The following PTGR1 variants were observed in gnomAD, a reference collection of about 807,000 sequenced individuals.
PTGR1 encodes the protein prostaglandin reductase 1.
In PTGR1, 23 loss-of-function variants were observed where a neutral mutation model predicts 37.7. That is an observed-to-expected ratio of 0.61 (90% CI 0.44 to 0.86). The LOEUF is 0.86. Ranked by LOEUF, PTGR1 falls within the 40% of genes least tolerant of loss-of-function variation. The pLI is 0.00. For synonymous variants in PTGR1, 134 were observed against 140.0 expected (o/e 0.96, Z 0.30); for missense variants, 351 against 394.3 (o/e 0.89, Z 0.93).
At chr9:111,559,990 T>A (rs555994226), downstream of PTGR1, among the ~76,000 whole-genome samples, 41 of 152,262 alleles carry the variant, frequency 2.7e-4, no homozygotes, top group African/African-American at 9.6e-4. Flanking sequence ...TTTAACCCCT[T>A]ATCTCTATGA....
At chr9:111,571,014 G>GTAGCTGGGACTATAGGTGCATGC (rs1176703185) in intron 8 of PTGR1, among the ~76,000 whole-genome samples, 2 of 151,074 alleles carry the variant, frequency 1.3e-5, no homozygotes, top group Admixed American at 1.3e-4. Flanking sequence ...AATACAGGCA[G>GTAGCTGGGACTATAGGTGCATGC]CTGCTAGAAG....
At chr9:111,598,041 A>G (rs1589326223) in intron 1 of PTGR1, among the ~76,000 whole-genome samples, 3 of 150,306 alleles carry the variant, frequency 2.0e-5, no homozygotes, top group Admixed American at 2.0e-4. Flanking sequence ...TCTTGTAGAG[A>G]GGAGCCTCAC....
intron 6 of PTGR1, 98 bp from the exon 7 acceptor site, chr9:111,579,049 A>G (rs1829186942): frequency 2.5e-6 from 3 of 1,207,846 alleles, no homozygotes; most frequent in Non-Finnish European, 3.4e-6. Flanking sequence ...CCCTAGGAAC[A>G]CTCTCTTAGG....
chr9:111,569,791 T>C (rs1828730290), intron 9 of PTGR1: 1 of 365,774 alleles, frequency 2.7e-6, no homozygotes, highest in Admixed American at 4.0e-5. Context: ...TAAGGAAGAA[T>C]GGAAAGAGAG....
At chr9:111,586,730 G>A (rs927485452) in intron 4 of PTGR1, among the ~76,000 whole-genome samples, 1 of 151,450 alleles carries the variant, frequency 6.6e-6, no homozygotes, top group Non-Finnish European at 1.5e-5. Context: ...ACAACCTCCT[G>A]AGCACAAAAT....
chr9:111,588,672 C>T (rs1160239850), intron 4 of PTGR1, among the ~76,000 whole-genome samples: 2 of 151,986 alleles, frequency 1.3e-5, no homozygotes, highest in Non-Finnish European at 2.9e-5. Flanking sequence ...ATTACAGGCG[C>T]CCACCACCAC....
chr9:111,559,219 G>A (rs568631477), downstream of PTGR1, among the ~76,000 whole-genome samples: 495 of 152,192 alleles, frequency 3.3e-3, 2 homozygotes, highest in Non-Finnish European at 5.1e-3. Flanking sequence ...ACCTCTGCTA[G>A]GGATCACATA....
rs1441986822 is a variant in PTGR1, at chr9:111,574,801, C to T, written c.693G>A (p.Lys231=). The change falls in exon 8 of 10, where the codon AAG becomes AAA. Residue 231 remains lysine (K), a synonymous_variant. Transcript: ENST00000407693. ...CACATATGGCAATCCTTCCAAATTTCTTCATCTGGCCGATAACAGTGTTTG... is the reference window on the plus strand; with the variant it reads ...CACATATGGCAATCCTTCCAAATTTTTTCATCTGGCCGATAACAGTGTTTG... ...EFSNTVIGQM[K]KFGRIAICGA... The T allele has an allele frequency of 6.2e-7, 1 of 1,613,852 alleles. No individual in the cohort carries two copies. Among genetic ancestry groups the T allele is most frequent in the South Asian group, 1.1e-5 (1 of 91,064 alleles).
intron 5 of PTGR1, among the ~76,000 whole-genome samples, chr9:111,584,245 G>T (rs1354124110): frequency 6.6e-6 from 1 of 152,300 alleles, no homozygotes; most frequent in East Asian, 1.9e-4. Flanking sequence ...TATGATTGAA[G>T]ACTTTCTTCA....
At chr9:111,589,184 T>C (rs752491900) in intron 4 of PTGR1, 31 of 160,674 alleles carry the variant, frequency 1.9e-4, no homozygotes, top group Middle Eastern at 3.2e-3. Context: ...TCTTTAATTA[T>C]TAGCAAGAAA....
rs1828019587 is a variant in PTGR1, at chr9:111,553,114, C to T, written c.880-3315G>A. ...TTTGTGTATTCTTTTTTGACTTACA[C>T]TCACTAAATGGTTGCTAAAAATTAC... On this transcript the variant is annotated intron_variant, in intron 9 of 9. Coordinates refer to the PTGR1 transcript ENST00000538962. Among the ~76,000 whole-genome samples the T allele has an allele frequency of 2.0e-5, 3 of 152,152 alleles. No homozygotes were observed. In the South Asian group the frequency reaches 6.2e-4, roughly 32 times the overall value.
Position 111,578,959 on chromosome 9 carries a change from G to GAAAAA in PTGR1, c.496-13_496-9dup. The GAAAAA allele has an allele frequency of 1.6e-6, 2 of 1,246,580 alleles. No individual in the cohort carries two copies. Among genetic ancestry groups the GAAAAA allele is most frequent in the Non-Finnish European group, 2.1e-6 (2 of 956,920 alleles). The allele number at this position is 1,246,580 out of a possible 1,614,324, so 77.2% of individuals were successfully genotyped here. ...TCCAACAACTTTGCAGCCCTAAGTA[G>GAAAAA]AAAAAAAAAAAAAAAGGAAACCATG... On this transcript the variant is annotated splice_polypyrimidine_tract_variant and intron_variant, in intron 6 of 9. Transcript: ENST00000407693.
chr9:111,555,362 A>G (rs1268042632), intron 9 of PTGR1, among the ~76,000 whole-genome samples: 1 of 152,134 alleles, frequency 6.6e-6, no homozygotes, highest in African/African-American at 2.4e-5. Context: ...CCCTACTTCC[A>G]GAAAACCTGA....
At chr9:111,597,291 T>C in intron 2 of PTGR1, 26 bp downstream of exon 2, 2 of 1,538,430 alleles carry the variant, frequency 1.3e-6, no homozygotes, top group South Asian at 1.1e-5. Context: ...CCCTTCCAAC[T>C]CTGAAATATT....
Position 111,578,777 on chromosome 9 carries a change from A to C in PTGR1, c.651+19T>G. ...GTACTTCCATAATAAATTAGATATT[A>C]AGTCCAGTTTGTACTTACATTATCA... On this transcript the variant is annotated intron_variant, in intron 7 of 9. Transcript: ENST00000407693. 4 of 1,586,166 alleles carry C rather than the reference A, an allele frequency of 2.5e-6. No homozygotes were observed. The highest frequency in any genetic ancestry group is 2.6e-6 in the Non-Finnish European group (3 of 1,165,280).
At chr9:111,550,350 G>C (rs931493252) in intron 9 of PTGR1, among the ~76,000 whole-genome samples, 3 of 152,188 alleles carry the variant, frequency 2.0e-5, no homozygotes, top group Non-Finnish European at 2.9e-5. Context: ...ATCAGAAGTA[G>C]ATATCTGCAA....
chr9:111,579,062 C>A, intron 6 of PTGR1, 111 bp from the exon 7 acceptor site: 1 of 1,030,632 alleles, frequency 9.7e-7, no homozygotes, highest in Non-Finnish European at 1.4e-6. Flanking sequence ...CTCTTAGGTG[C>A]TGAGCCACAT....
chr9:111,598,995 A>C (rs1391720017), intron 1 of PTGR1, among the ~76,000 whole-genome samples: 1 of 151,678 alleles, frequency 6.6e-6, no homozygotes, highest in Non-Finnish European at 1.5e-5. Context: ...TCTAGTCGTT[A>C]TTTCTATGAG....
chr9:111,573,065 G>A (rs77928057), intron 8 of PTGR1, among the ~76,000 whole-genome samples: 1 of 152,078 alleles, frequency 6.6e-6, no homozygotes, highest in Non-Finnish European at 1.5e-5. Flanking sequence ...GATTAAAATG[G>A]AACGGACAAG....
Sources: gnomAD v4.1 joint callset for allele counts (sites outside exome capture counted in the v4.1 genomes callset) on GRCh38, gnomAD v4.1.1 for gene constraint, MANE v1.5 for transcripts, NCBI Gene and HGNC (gene_info 2026-07-23, HGNC 2026-07-21) for gene names.